RUNX2: variants seen among roughly 807,000 people sequenced by gnomAD.
The protein encoded by RUNX2 is runt-related transcription factor 2.
RUNX2 carries 10 observed loss-of-function variants against 51.7 expected under a neutral mutation model. That is an observed-to-expected ratio of 0.19 (90% CI 0.12 to 0.33). The LOEUF (loss-of-function observed/expected upper bound fraction) is 0.33, where lower values mean the gene tolerates loss of function less well. RUNX2 is among the 10% of genes least tolerant of loss of function. The pLI, the probability that RUNX2 is intolerant of heterozygous loss-of-function variation, is 1.00. For missense variants in RUNX2, 562 were observed against 691.3 expected, an observed-to-expected ratio of 0.81 and a Z score of 2.10; for synonymous variants, 276 against 273.6, an observed-to-expected ratio of 1.01 and a Z score of -0.09.
intron 2 of RUNX2, among the ~76,000 whole-genome samples, chr6:45,379,993 G>GC (rs1055454259): frequency 6.6e-6 from 1 of 152,218 alleles, no homozygotes; most frequent in African/African-American, 2.4e-5. Flanking sequence ...TGGGCTGTTG[G>GC]CAGAGATCTG....
chr6:45,498,074 T>C (rs1237534196), intron 6 of RUNX2, among the ~76,000 whole-genome samples: 2 of 152,142 alleles, frequency 1.3e-5, no homozygotes, highest in Admixed American at 6.6e-5. Context: ...AGGTCCCACT[T>C]ACTACTAGTA....
At chr6:45,424,104 C>T (rs1440751747) in intron 3 of RUNX2, among the ~76,000 whole-genome samples, 1 of 152,240 alleles carries the variant, frequency 6.6e-6, no homozygotes, top group South Asian at 2.1e-4. Context: ...GGCTTGAGAG[C>T]GGCCTCTGCG....
intron 2 of RUNX2, 99 bp from the exon 3 acceptor site, chr6:45,422,494 T>TCC: frequency 4.2e-6 from 2 of 480,982 alleles, no homozygotes; most frequent in Non-Finnish European, 6.6e-6. Flanking sequence ...CGTCTCGCCT[T>TCC]CACCCCCCCA....
chr6:45,420,784 G>T (rs1798165014), intron 2 of RUNX2, among the ~76,000 whole-genome samples: 1 of 152,188 alleles, frequency 6.6e-6, no homozygotes, highest in Admixed American at 6.5e-5. Flanking sequence ...GCTTCTGCGG[G>T]CGCAGCACAT....
At chr6:45,419,654 G>C (rs1011075462) in intron 2 of RUNX2, among the ~76,000 whole-genome samples, 1 of 152,216 alleles carries the variant, frequency 6.6e-6, no homozygotes, top group African/African-American at 2.4e-5. Flanking sequence ...GCACGCAGGG[G>C]ACGCGGCGGT....
chr6:45,514,685 G>A (rs1016142608), intron 7 of RUNX2, among the ~76,000 whole-genome samples: 14 of 152,126 alleles, frequency 9.2e-5, no homozygotes, highest in African/African-American at 3.4e-4. Flanking sequence ...CCTGGGCTGC[G>A]GGGCTGTGCC....
intron 2 of RUNX2, among the ~76,000 whole-genome samples, chr6:45,345,059 G>A (rs1418447467): frequency 6.6e-6 from 1 of 152,104 alleles, no homozygotes; most frequent in Non-Finnish European, 1.5e-5. Flanking sequence ...CGTTCCTCAT[G>A]GGATGAAACA....
intron 6 of RUNX2, 66 bp downstream of exon 6, chr6:45,492,180 GGA>G: frequency 6.6e-7 from 1 of 1,518,824 alleles, no homozygotes; most frequent in Non-Finnish European, 9.1e-7. Flanking sequence ...GGCTACCAGA[GGA>G]GATGTGTTCA....
intron 3 of RUNX2, among the ~76,000 whole-genome samples, chr6:45,423,345 C>T (rs1207708111): frequency 2.6e-5 from 4 of 152,186 alleles, no homozygotes; most frequent in African/African-American, 9.6e-5. Flanking sequence ...GCCCCTTTCC[C>T]GGGGGCGAGG....
intron 2 of RUNX2, among the ~76,000 whole-genome samples, chr6:45,413,979 G>T (rs1413088556): frequency 6.6e-6 from 1 of 151,944 alleles, no homozygotes; most frequent in East Asian, 1.9e-4. Flanking sequence ...TGATTTTAAT[G>T]GAATATTCTG....
chr6:45,505,347 T>C (rs1159169755), intron 6 of RUNX2, among the ~76,000 whole-genome samples: 1 of 152,014 alleles, frequency 6.6e-6, no homozygotes, highest in Non-Finnish European at 1.5e-5. Context: ...GTCAGTTCAT[T>C]TTCCTGGGAT....
intron 7 of RUNX2, among the ~76,000 whole-genome samples, chr6:45,523,368 C>T (rs1242666918): frequency 4.0e-5 from 6 of 151,884 alleles, no homozygotes; most frequent in African/African-American, 9.7e-5. Flanking sequence ...CAGGTTCAAG[C>T]GATTCCCCTA....
At chr6:45,531,967 A>C (rs1427588090) in intron 7 of RUNX2, among the ~76,000 whole-genome samples, 2 of 152,170 alleles carry the variant, frequency 1.3e-5, no homozygotes, top group Admixed American at 6.5e-5. Context: ...TCTCCCATCG[A>C]ATATGGGAGC....
At chr6:45,382,739 G>C (rs1344543607) in intron 2 of RUNX2, among the ~76,000 whole-genome samples, 1 of 152,192 alleles carries the variant, frequency 6.6e-6, no homozygotes, top group Non-Finnish European at 1.5e-5. Context: ...GATTGACATC[G>C]TAAGATTTAG....
At chr6:45,425,964 G>A (rs373789814) in intron 3 of RUNX2, among the ~76,000 whole-genome samples, 50 of 152,100 alleles carry the variant, frequency 3.3e-4, no homozygotes, top group Non-Finnish European at 5.6e-4. Context: ...TATTGAGCCC[G>A]TATTTTGTAT....
At chr6:45,395,221 T>C (rs1030459259) in intron 2 of RUNX2, among the ~76,000 whole-genome samples, 8 of 152,146 alleles carry the variant, frequency 5.3e-5, no homozygotes, top group Non-Finnish European at 1.0e-4. Flanking sequence ...TTTGTTCAGC[T>C]TTTTTTCTTG....
At chr6:45,415,889 A>G (rs150800572) in intron 2 of RUNX2, among the ~76,000 whole-genome samples, 234 of 152,334 alleles carry the variant, frequency 1.5e-3, no homozygotes, top group African/African-American at 5.5e-3. Context: ...TAGGGAAGAA[A>G]AATGATCTGG....
Position 45,533,888 on chromosome 6 carries a change from C to CTT in RUNX2, c.1022-11307_1022-11306dup, listed in dbSNP as rs553154980. On this transcript the variant is annotated intron_variant, in intron 7 of 8. Coordinates refer to ENST00000647337, the MANE Select transcript of RUNX2 (RefSeq NM_001024630.4). ...AATACCGTCCTTTCCCCTGTTGAGA[C>CTT]TTTTTTTTTTTTTTTTTTTTTTTGG... Among the ~76,000 whole-genome samples, 421 of 108,004 alleles carry CTT rather than the reference C, an allele frequency of 3.9e-3. 2 individuals carry two copies. The highest frequency in any genetic ancestry group is 5.0e-3 in the African/African-American group (135 of 26,952). The allele number at this position is 108,004 out of a possible 152,430, so 70.9% of individuals were successfully genotyped here. A position where few individuals can be genotyped will look rare whatever the true frequency, so the allele number is the denominator to read the frequency against.
At chr6:45,380,422 G>C (rs541457558) in intron 2 of RUNX2, among the ~76,000 whole-genome samples, 1 of 152,280 alleles carries the variant, frequency 6.6e-6, no homozygotes, top group Admixed American at 6.5e-5. Flanking sequence ...TAATATTCAC[G>C]TAGACTCACT....
Sources: gnomAD v4.1 joint callset for allele counts (sites outside exome capture counted in the v4.1 genomes callset) on GRCh38, gnomAD v4.1.1 for gene constraint, MANE v1.5 for transcripts, NCBI Gene and HGNC (gene_info 2026-07-23, HGNC 2026-07-21) for gene names.